The following TSPOAP1 variants were observed in gnomAD, a reference collection of about 807,000 sequenced individuals.
TSPOAP1 encodes peripheral-type benzodiazepine receptor-associated protein 1.
A neutral mutation model predicts 197.0 loss-of-function variants in TSPOAP1; 87 were observed. The observed-to-expected ratio is 0.44, with a 90% CI of 0.37 to 0.53. TSPOAP1 has a LOEUF of 0.53. Among genes scored for constraint, TSPOAP1 ranks in the 20% least tolerant of loss-of-function variants. TSPOAP1 has a pLI of 0.00. For synonymous variants in TSPOAP1, 913 were observed against 998.9 expected, an observed-to-expected ratio of 0.91 and a Z score of 1.62; for missense variants, 2,174 against 2,411.3, an observed-to-expected ratio of 0.90 and a Z score of 2.06.
At chr17:58,319,972 C>T (rs1228172381) in intron 12 of TSPOAP1, 137 bp downstream of exon 12, 7 of 1,162,646 alleles carry the variant, frequency 6.0e-6, no homozygotes, top group Admixed American at 1.9e-5. Flanking sequence ...GGAACTCCAC[C>T]CCCTATGGAT....
rs1388128071 is a variant in TSPOAP1, at chr17:58,302,214, C to G, written c.*266G>C. 7.8e-7 allele frequency: 1 copy of G among 1,278,664 alleles called. No individual in the cohort carries two copies. Among genetic ancestry groups the G allele is most frequent in the African/African-American group, 1.5e-5 (1 of 65,564 alleles). The allele number at this position is 1,278,664 out of a possible 1,614,324, so 79.2% of individuals were successfully genotyped here. The stretch of plus-strand genomic sequence containing the variant: ...CTGAGCCTTCCCTGCTCAGCAGAGA[C>G]AGTGATCTGGGGGCCTCTCAGGGCC... On this transcript the variant is annotated 3_prime_UTR_variant, in exon 32 of 32. Coordinates refer to ENST00000343736, the MANE Select transcript of TSPOAP1 (RefSeq NM_004758.4).
Position 58,324,497 on chromosome 17 carries a change from G to C in TSPOAP1, c.942+314C>G, listed in dbSNP as rs1388919274. On this transcript the variant is annotated intron_variant, in intron 5 of 31. Transcript: ENST00000343736. This position sits in a 1 kb window ranked among gnomAD's most constrained non-coding sequence, Gnocchi z 5.8. ...GGCGCGGGCTGGGCCCCGGGCGGCT[G>C]CCAGGACAACCAGGGATTTGCGGCC... Among the ~76,000 whole-genome samples, 1 of 151,882 alleles carries C rather than the reference G, an allele frequency of 6.6e-6. No homozygotes were observed. The highest frequency in any genetic ancestry group is 2.4e-5 in the African/African-American group (1 of 41,404).
At chr17:58,313,175 G>A (rs570554205) in intron 16 of TSPOAP1, among the ~76,000 whole-genome samples, 3 of 152,180 alleles carry the variant, frequency 2.0e-5, no homozygotes, top group Non-Finnish European at 4.4e-5. Flanking sequence ...AAGCAAATAT[G>A]CCAAAGTTTT....
In TSPOAP1 at chr17:58,301,348, A is replaced by C. The variant is rs1598050545; in HGVS notation, c.*1132T>G. ...GTTCAGTCAAACTATCTCCCACCAC[A>C]GCAAAGGAAACATGCAAAGACACAC... On this transcript the variant is annotated 3_prime_UTR_variant, in exon 32 of 32. Coordinates refer to ENST00000343736, the MANE Select transcript of TSPOAP1 (RefSeq NM_004758.4). 6.5e-6 allele frequency: 1 copy of C among 152,680 alleles called. No homozygotes were observed. The highest frequency in any genetic ancestry group is 2.4e-5 in the African/African-American group (1 of 41,464). The allele number at this position is 152,680 out of a possible 1,614,324, so 9.5% of individuals were successfully genotyped here.
chr17:58,302,434 G>A lies in TSPOAP1; in HGVS notation c.*46C>T. The A allele has an allele frequency of 7.9e-7, 1 of 1,259,268 alleles. No homozygotes were observed. The highest frequency in any genetic ancestry group is 1.0e-6 in the Non-Finnish European group (1 of 976,672). 78.0% of individuals were successfully genotyped at this position (1,259,268 alleles called of 1,614,324 possible). On this transcript the variant is annotated 3_prime_UTR_variant, in exon 32 of 32. Coordinates refer to ENST00000343736, the MANE Select transcript of TSPOAP1 (RefSeq NM_004758.4). ...TGGGGGCCCTGGGGACCCTTGTGTG[G>A]TGCAGCCCCAGTCCTGAAATGTGAG...
Position 58,308,968 on chromosome 17 carries a change from T to C in TSPOAP1, c.4304A>G (p.Asn1435Ser), listed in dbSNP as rs934439686. The C allele has an allele frequency of 5.6e-6, 9 of 1,609,488 alleles. No homozygotes were observed. Among genetic ancestry groups the C allele is most frequent in the African/African-American group, 1.3e-5 (1 of 74,638 alleles). ...REHCSRLLSN[N>S]GPQASGRLGP... is the part of the protein sequence containing the mutation. ...CAGTCGTCCAGAGGCCTGGGGCCCATTGTTGCTGAGAAGTCGGCTGCAGTG... is the reference window on the plus strand; with the variant it reads ...CAGTCGTCCAGAGGCCTGGGGCCCACTGTTGCTGAGAAGTCGGCTGCAGTG... Residue 1435 changes from asparagine to serine, a missense_variant, in exon 22 of 32, where the codon AAT (asparagine) becomes AGT (serine). This residue lies in a region of TSPOAP1 where 1,933 missense variants were observed against 2,139.0 expected (regional missense o/e 0.90). Coordinates refer to ENST00000343736, the MANE Select transcript of TSPOAP1 (RefSeq NM_004758.4).
At chr17:58,305,940 A>G in intron 26 of TSPOAP1, 75 bp from the exon 27 acceptor site, 1 of 1,505,832 alleles carries the variant, frequency 6.6e-7, no homozygotes, top group South Asian at 1.2e-5. Context: ...CGCAGGCCAG[A>G]CACTCGCCCA....
chr17:58,324,669 G>T lies in TSPOAP1; in HGVS notation c.942+142C>A, dbSNP rs1202669873. The T allele has an allele frequency of 7.3e-6, 5 of 686,984 alleles. No individual in the cohort carries two copies. Among genetic ancestry groups the T allele is most frequent in the Non-Finnish European group, 8.6e-6 (4 of 465,532 alleles). The allele number at this position is 686,984 out of a possible 1,614,324, so 42.6% of individuals were successfully genotyped here. On this transcript the variant is annotated intron_variant, in intron 5 of 31. Transcript: ENST00000343736. The surrounding 1 kb of genome is among the most constrained non-coding windows in gnomAD (Gnocchi z 5.8). ...CTTGGAGGTGGACCCTGCCCAGGAC[G>T]GGAAAGCTCCCCAGCCCCTGGGAGT... is the stretch of plus-strand genomic sequence containing the variant.
In TSPOAP1 at chr17:58,326,227, A is replaced by G. The variant is rs1330217082; in HGVS notation, c.570+66T>C. On this transcript the variant is annotated intron_variant, in intron 3 of 31. Coordinates refer to ENST00000343736, the MANE Select transcript of TSPOAP1 (RefSeq NM_004758.4). This position sits in a 1 kb window ranked among gnomAD's most constrained non-coding sequence, Gnocchi z 4.7. Reference sequence around the variant, plus strand: ...GACTCCCAAGCTTCAGACAGCCCTCAGGCCCAGCCCTGGCTCCCCTCTTCC... The same window carrying G: ...GACTCCCAAGCTTCAGACAGCCCTCGGGCCCAGCCCTGGCTCCCCTCTTCC... 3.8e-6 allele frequency: 6 copies of G among 1,596,074 alleles called. No individual in the cohort carries two copies. Among genetic ancestry groups the G allele is most frequent in the Non-Finnish European group, 5.1e-6 (6 of 1,171,358 alleles).
intron 5 of TSPOAP1, 113 bp from the exon 6 acceptor site, chr17:58,323,658 G>A: frequency 3.6e-6 from 4 of 1,105,830 alleles, no homozygotes; most frequent in Non-Finnish European, 5.2e-6. Flanking sequence ...GCCAGCAAGA[G>A]ATCCCTGCCT....
At position 58,326,403 on chromosome 17, in the gene TSPOAP1, C is replaced by T; in HGVS notation, c.460G>A (p.Glu154Lys). The T allele has an allele frequency of 1.2e-6, 2 of 1,613,846 alleles. No homozygotes were observed. Among genetic ancestry groups the T allele is most frequent in the African/African-American group, 1.3e-5 (1 of 75,052 alleles). The change falls in exon 3 of 32, where the codon GAG becomes AAG. Residue 154 changes from glutamate (E) to lysine (K), a missense_variant. Glu to Lys is a moderately conservative substitution (Grantham distance 56). Transcript: ENST00000343736. The surrounding 1 kb of genome is among the most constrained non-coding windows in gnomAD (Gnocchi z 4.7). ...AGCCTCCGCACCTTCTCTTCTGTCT[C>T]AGGGAAGCTGCTCTTCCTCTGACAA... ...NQMLRKSSFP[E>K]TEEKVRRLKR...
At chr17:58,320,256 A>G in intron 11 of TSPOAP1, 127 bp from the exon 12 acceptor site, 1 of 1,192,272 alleles carries the variant, frequency 8.4e-7, no homozygotes, top group Non-Finnish European at 1.2e-6. Context: ...ACTGACTAGC[A>G]GTTCCTAAAT....
intron 14 of TSPOAP1, among the ~76,000 whole-genome samples, chr17:58,317,932 T>C (rs72839993): frequency 0.024 from 3,638 of 152,354 alleles, 47 homozygotes; most frequent in Middle Eastern, 0.031. Flanking sequence ...TGCTTTCTCA[T>C]ACAACCACCT....
In TSPOAP1 at chr17:58,304,258, G is replaced by A. The variant is rs1970801298; in HGVS notation, c.*32+80C>T. 4.0e-6 allele frequency: 5 copies of A among 1,256,348 alleles called. No individual in the cohort carries two copies. The highest frequency in any genetic ancestry group is 5.7e-6 in the Non-Finnish European group (5 of 870,774). The allele number at this position is 1,256,348 out of a possible 1,614,324, so 77.8% of individuals were successfully genotyped here. ...CAGTGGGAAAGCTGGGTCAGCTCCAGTATTTGAGACAAAGGAGCACTGTCT... is the reference window on the plus strand; with the variant it reads ...CAGTGGGAAAGCTGGGTCAGCTCCAATATTTGAGACAAAGGAGCACTGTCT... On this transcript the variant is annotated intron_variant, in intron 31 of 31. Transcript: ENST00000343736. This position sits in a 1 kb window ranked among gnomAD's most constrained non-coding sequence, Gnocchi z 4.2.
intron 17 of TSPOAP1, 38 bp from the exon 18 acceptor site, chr17:58,311,760 C>T (rs377024476): frequency 2.3e-5 from 35 of 1,526,802 alleles, no homozygotes; most frequent in African/African-American, 2.1e-4. Flanking sequence ...TGATGCAGGA[C>T]GCTCCCCATC....
In TSPOAP1 at chr17:58,305,107, G is replaced by A. The variant is rs779924056; in HGVS notation, c.5498C>T (p.Ala1833Val). The A allele has an allele frequency of 6.2e-7, 1 of 1,614,012 alleles. No homozygotes were observed. The highest frequency in any genetic ancestry group is 8.5e-7 in the Non-Finnish European group (1 of 1,179,942). The stretch of plus-strand genomic sequence containing the variant: ...CCTGGGTTCCCTGTCCAGGCCGCCT[G>A]CCTCAGGCCCAGGGCCCTCCAGGAA... ...SNFLEGPGPEAGGLDREPRTP... is the reference protein window; with the variant it reads ...SNFLEGPGPEVGGLDREPRTP... Residue 1833 changes from alanine (A) to valine (V), a missense_variant, in exon 30 of 32, where the codon GCA becomes GTA. Ala to Val is a moderately conservative substitution (Grantham distance 64). Transcript: ENST00000343736.
At position 58,318,470 on chromosome 17, in the gene TSPOAP1, C is replaced by T. The variant is rs746293308; in HGVS notation, c.1700-18G>A. On this transcript the variant is annotated intron_variant, in intron 13 of 31. Transcript: ENST00000343736. Reference sequence around the variant, plus strand: ...GTCAAGGTCTAAAGAGAAGATGGCACGTGGGCTTGGGGTCTGTGGCCTGAG... The same window carrying T: ...GTCAAGGTCTAAAGAGAAGATGGCATGTGGGCTTGGGGTCTGTGGCCTGAG... 82 of 1,605,078 alleles carry T rather than the reference C, an allele frequency of 5.1e-5. No individual in the cohort carries two copies. Among genetic ancestry groups the T allele is most frequent in the Non-Finnish European group, 6.5e-5 (76 of 1,176,440 alleles).
At chr17:58,327,150 C>T (rs1971646092) in intron 1 of TSPOAP1, among the ~76,000 whole-genome samples, 1 of 152,040 alleles carries the variant, frequency 6.6e-6, no homozygotes, top group Non-Finnish European at 1.5e-5. Flanking sequence ...AGCCTGCTCA[C>T]ACCCACCCCA....
At chr17:58,318,514 GT>G in intron 13 of TSPOAP1, 62 bp from the exon 14 acceptor site, 1 of 1,511,964 alleles carries the variant, frequency 6.6e-7, no homozygotes, top group Non-Finnish European at 8.9e-7. Context: ...AGGAGATAGG[GT>G]GGTGCTTCTT....
Sources: allele counts gnomAD v4.1 joint callset (sites outside exome capture counted in the v4.1 genomes callset), GRCh38; gene constraint gnomAD v4.1.1; regional missense constraint gnomAD v4.1.1; non-coding constraint Gnocchi (gnomAD v3.1); transcripts MANE v1.5; gene names NCBI Gene and HGNC (gene_info 2026-07-23, HGNC 2026-07-21).